ATP1B3: variants seen among roughly 807,000 people sequenced by gnomAD.
The protein encoded by ATP1B3 is ATPase Na+/K+ transporting subunit beta 3, also known as sodium/potassium-transporting ATPase subunit beta-3.
Under a neutral mutation model 30.2 loss-of-function variants are expected in ATP1B3, and 10 were observed. That is an observed-to-expected ratio of 0.33 (90% CI 0.20 to 0.56). The LOEUF is 0.56. Ranked by LOEUF, ATP1B3 falls within the 20% of genes least tolerant of loss-of-function variation. The pLI, the probability that ATP1B3 is intolerant of heterozygous loss-of-function variation, is 0.90. For synonymous variants in ATP1B3, 113 were observed against 117.0 expected (o/e 0.97, Z 0.22); for missense variants, 238 against 336.7 (o/e 0.71, Z 2.29).
intron 1 of ATP1B3, among the ~76,000 whole-genome samples, chr3:141,892,834 G>A (rs1380027979): frequency 4.0e-5 from 6 of 151,870 alleles, no homozygotes; most frequent in Admixed American, 2.0e-4. Context: ...TTAATGGAGC[G>A]GTAGCTTCAC....
chr3:141,920,056 A>G (rs991308573), intron 5 of ATP1B3, among the ~76,000 whole-genome samples: 1 of 152,184 alleles, frequency 6.6e-6, no homozygotes, highest in African/African-American at 2.4e-5. Flanking sequence ...CTAAATGTTT[A>G]TTTTCACAGA....
chr3:141,898,446 G>A (rs1460558727), intron 1 of ATP1B3, among the ~76,000 whole-genome samples: 2 of 152,118 alleles, frequency 1.3e-5, no homozygotes, highest in African/African-American at 4.8e-5. Flanking sequence ...AAAATGATCT[G>A]AATAGACAGT....
At chr3:141,917,478 G>A (rs912572209) in intron 5 of ATP1B3, among the ~76,000 whole-genome samples, 12 of 151,840 alleles carry the variant, frequency 7.9e-5, no homozygotes, top group Non-Finnish European at 2.9e-5. Flanking sequence ...GGCAGATCAC[G>A]AGGTCAAGAG....
rs1341803770 is a variant in ATP1B3, at chr3:141,889,754, T to TACAC, written c.109+12845_109+12846insCACA. ...AAAAAAAAAAAAAAAAAAAAAAATA[T>TACAC]ATACACACACACACACACACACACA... On this transcript the variant is annotated intron_variant, in intron 1 of 6. Transcript: ENST00000286371. Among the ~76,000 whole-genome samples the TACAC allele has an allele frequency of 2.3e-3, 175 of 75,018 alleles. 8 individuals are homozygous for TACAC. The highest frequency in any genetic ancestry group is 4.2e-3 in the Admixed American group (30 of 7,120). The allele number at this position is 75,018 out of a possible 152,430, so 49.2% of individuals were successfully genotyped here.
chr3:141,904,703 C>CTTTTTTT lies in ATP1B3; in HGVS notation c.238+972_238+978dup, dbSNP rs35178202. Reference sequence around the variant, plus strand: ...CCTGATTTTATTCTTTTTAAACAGTCTTTTTTTTTTTTTTTTTTTTTTTGA... The same window carrying CTTTTTTT: ...CCTGATTTTATTCTTTTTAAACAGTCTTTTTTTTTTTTTTTTTTTTTTTTTTTTTTGA... On this transcript the variant is annotated intron_variant, in intron 2 of 6. Coordinates refer to ENST00000286371, the MANE Select transcript of ATP1B3 (RefSeq NM_001679.4). Among the ~76,000 whole-genome samples the CTTTTTTT allele has an allele frequency of 4.2e-3, 373 of 89,326 alleles. 10 individuals are homozygous for CTTTTTTT. Among genetic ancestry groups the CTTTTTTT allele is most frequent in the East Asian group, 6.0e-3 (16 of 2,646 alleles). The allele number at this position is 89,326 out of a possible 152,430, so 58.6% of individuals were successfully genotyped here.
chr3:141,907,910 T>A (rs1320483204), intron 3 of ATP1B3, among the ~76,000 whole-genome samples: 1 of 152,094 alleles, frequency 6.6e-6, no homozygotes, highest in African/African-American at 2.4e-5. Flanking sequence ...ATAGAGCAAA[T>A]CTATATTTTA....
chr3:141,913,821 T>C lies in ATP1B3; in HGVS notation c.516T>C (p.Leu172=), dbSNP rs1934409680. The C allele has an allele frequency of 1.2e-6, 2 of 1,612,710 alleles. No individual in the cohort carries two copies. The highest frequency in any genetic ancestry group is 1.7e-6 in the Non-Finnish European group (2 of 1,179,504). ...FGYSQGNPCI[L]VKMNRIIGLK... ...ATTCTCAAGGAAACCCTTGTATTCT[T>C]GTGAAAATGAACAGAGTACGTACAT... The change falls in exon 4 of 7, where the codon CTT becomes CTC. Residue 172 remains leucine (L), a synonymous_variant. Transcript: ENST00000286371.
intron 5 of ATP1B3, among the ~76,000 whole-genome samples, chr3:141,917,970 A>G (rs578005119): frequency 4.6e-5 from 7 of 151,516 alleles, no homozygotes; most frequent in Non-Finnish European, 7.4e-5. Flanking sequence ...GGGTTTCACT[A>G]TGTTAGCCAG....
At chr3:141,890,019 T>C (rs916745679) in intron 1 of ATP1B3, among the ~76,000 whole-genome samples, 5 of 150,230 alleles carry the variant, frequency 3.3e-5, no homozygotes, top group Admixed American at 3.3e-4. Context: ...TAATTTGTAA[T>C]TTCTTCAATA....
At chr3:141,877,616 T>G (rs1341544153) in intron 1 of ATP1B3, 2 of 152,132 alleles carry the variant, frequency 1.3e-5, no homozygotes, top group Non-Finnish European at 2.9e-5. Context: ...CCTTACAAAT[T>G]TGCTTCTTTG....
intron 1 of ATP1B3, among the ~76,000 whole-genome samples, chr3:141,884,065 TC>T (rs1933785367): frequency 6.6e-6 from 1 of 152,326 alleles, no homozygotes; most frequent in East Asian, 1.9e-4. Context: ...AGTCTTTTTT[TC>T]TTTTACCTGC....
intron 2 of ATP1B3, 93 bp downstream of exon 2, chr3:141,903,841 G>T (rs1274204006): frequency 1.4e-6 from 2 of 1,445,516 alleles, no homozygotes; most frequent in African/African-American, 1.4e-5. Context: ...GAATGCAGTG[G>T]CATGATCTTG....
At chr3:141,922,430 A>T (rs1934580247) in intron 6 of ATP1B3, among the ~76,000 whole-genome samples, 1 of 151,862 alleles carries the variant, frequency 6.6e-6, no homozygotes, top group Non-Finnish European at 1.5e-5. Context: ...AGGCGGGCGC[A>T]TTACCTGAGG....
At chr3:141,879,109 A>G (rs1218396781) in intron 1 of ATP1B3, among the ~76,000 whole-genome samples, 4 of 152,248 alleles carry the variant, frequency 2.6e-5, no homozygotes, top group Non-Finnish European at 5.9e-5. Context: ...CCTCAGAGAT[A>G]CTATTAACAT....
chr3:141,884,073 C>A (rs1933785509), intron 1 of ATP1B3, among the ~76,000 whole-genome samples: 1 of 151,998 alleles, frequency 6.6e-6, no homozygotes, highest in Non-Finnish European at 1.5e-5. Flanking sequence ...TTTCTTTTAC[C>A]TGCTCTCAAA....
At position 141,876,681 on chromosome 3, in the gene ATP1B3, CG is replaced by C; in HGVS notation, c.-119del. On this transcript the variant is annotated 5_prime_UTR_variant, in exon 1 of 7. Coordinates refer to ENST00000286371, the MANE Select transcript of ATP1B3 (RefSeq NM_001679.4). The stretch of plus-strand genomic sequence containing the variant: ...ACTCCCCGTAACGAGGAGGTGTTCT[CG>C]GCCGTCCCACCCTTCACTGCCGTCT... 1 of 659,776 alleles carries C rather than the reference CG, an allele frequency of 1.5e-6. No homozygotes were observed. The highest frequency in any genetic ancestry group is 1.8e-5 in the South Asian group (1 of 54,288). The allele number at this position is 659,776 out of a possible 1,614,324, so 40.9% of individuals were successfully genotyped here.
intron 3 of ATP1B3, among the ~76,000 whole-genome samples, chr3:141,911,629 G>C (rs1934362525): frequency 6.6e-6 from 1 of 151,878 alleles, no homozygotes; most frequent in Non-Finnish European, 1.5e-5. Context: ...CAAGCAGCTA[G>C]GATTACAGGC....
At chr3:141,883,774 G>A (rs746594681) in intron 1 of ATP1B3, among the ~76,000 whole-genome samples, 4 of 152,138 alleles carry the variant, frequency 2.6e-5, no homozygotes, top group Non-Finnish European at 5.9e-5. Flanking sequence ...AGTGTTTGAC[G>A]GTATTGGTGT....
intron 1 of ATP1B3, among the ~76,000 whole-genome samples, chr3:141,886,699 A>G (rs1428593079): frequency 6.6e-6 from 1 of 152,158 alleles, no homozygotes; most frequent in Non-Finnish European, 1.5e-5. Flanking sequence ...TGTTTCCTCT[A>G]TAAAAGAAAA....
Sources: gnomAD v4.1 joint callset for allele counts (sites outside exome capture counted in the v4.1 genomes callset) on GRCh38, gnomAD v4.1.1 for gene constraint, MANE v1.5 for transcripts, NCBI Gene and HGNC (gene_info 2026-07-23, HGNC 2026-07-21) for gene names.